PRMT3: variants seen among roughly 807,000 people sequenced by gnomAD.
The protein encoded by PRMT3 is protein arginine methyltransferase 3.
In PRMT3, 62 loss-of-function variants were observed where a neutral mutation model predicts 71.9. That is an observed-to-expected ratio of 0.86 (90% confidence interval 0.70 to 1.07). PRMT3 has a LOEUF of 1.07. Ranked by LOEUF, PRMT3 falls within the 50% of genes least tolerant of loss-of-function variation. The pLI is 0.00. For missense variants in PRMT3, 663 were observed against 643.0 expected, an observed-to-expected ratio of 1.03 and a Z score of -0.34; for synonymous variants, 213 against 220.4, an observed-to-expected ratio of 0.97 and a Z score of 0.30.
intron 9 of PRMT3, among the ~76,000 whole-genome samples, chr11:20,413,520 G>C (rs979124104): frequency 1.3e-5 from 2 of 152,096 alleles, no homozygotes; most frequent in African/African-American, 4.8e-5. Flanking sequence ...TTGCAAAATG[G>C]CTGGCCCTGT....
intron 10 of PRMT3, among the ~76,000 whole-genome samples, chr11:20,439,108 G>A (rs1328986614): frequency 1.3e-5 from 2 of 152,204 alleles, no homozygotes; most frequent in African/African-American, 2.4e-5. Flanking sequence ...TCAATTCCAA[G>A]ATGGCAGTAG....
chr11:20,400,440 A>G (rs1178521459), intron 7 of PRMT3, among the ~76,000 whole-genome samples: 1 of 152,186 alleles, frequency 6.6e-6, no homozygotes, highest in Non-Finnish European at 1.5e-5. Flanking sequence ...TTGCCACTTT[A>G]TCTTTTTGAA....
chr11:20,443,681 A>T (rs1849959534), intron 10 of PRMT3, among the ~76,000 whole-genome samples: 1 of 152,218 alleles, frequency 6.6e-6, no homozygotes, highest in South Asian at 2.1e-4. Flanking sequence ...TAAGACCCAC[A>T]CGTGCCTTGG....
chr11:20,487,998 A>G (rs1851118019), intron 13 of PRMT3, among the ~76,000 whole-genome samples: 1 of 152,154 alleles, frequency 6.6e-6, no homozygotes, highest in Non-Finnish European at 1.5e-5. Flanking sequence ...CTGTTTTACT[A>G]CTTCCCATAT....
intron 15 of PRMT3, among the ~76,000 whole-genome samples, chr11:20,507,337 T>G (rs2133713053): frequency 1.3e-5 from 2 of 152,338 alleles, no homozygotes; most frequent in Middle Eastern, 6.8e-3. Context: ...ATCTTTTTTC[T>G]AGATGCCCAG....
chr11:20,453,939 A>C (rs1850211282), intron 11 of PRMT3, among the ~76,000 whole-genome samples: 1 of 152,188 alleles, frequency 6.6e-6, no homozygotes. Context: ...AAAGTTTTAG[A>C]ACATGGAGCA....
intron 10 of PRMT3, among the ~76,000 whole-genome samples, chr11:20,441,164 A>C (rs1849886273): frequency 6.6e-6 from 1 of 151,894 alleles, no homozygotes; most frequent in Non-Finnish European, 1.5e-5. Context: ...TGGTCGTTTT[A>C]TACTGCCTAA....
chr11:20,474,698 C>T (rs538940939), intron 13 of PRMT3, among the ~76,000 whole-genome samples: 8 of 152,296 alleles, frequency 5.3e-5, no homozygotes, highest in South Asian at 4.1e-4. Flanking sequence ...CCTTTGGCTT[C>T]GTGCTGTTAG....
At position 20,465,786 on chromosome 11, in the gene PRMT3, C is replaced by A. The variant is rs548581996; in HGVS notation, c.1347+1240C>A. Among the ~76,000 whole-genome samples the A allele has an allele frequency of 1.9e-3, 288 of 152,128 alleles. 2 individuals carry two copies. Among genetic ancestry groups the A allele is most frequent in the African/African-American group, 6.6e-3 (274 of 41,546 alleles). Reference sequence around the variant, plus strand: ...AATTAACAAAAAGCAAAATTTGATTCATTTCCCATGTATTTTCTAATTCTG... The same window carrying A: ...AATTAACAAAAAGCAAAATTTGATTAATTTCCCATGTATTTTCTAATTCTG... On this transcript the variant is annotated intron_variant, in intron 13 of 15. Coordinates refer to ENST00000331079, the MANE Select transcript of PRMT3 (RefSeq NM_005788.4).
rs115201870 is a variant in PRMT3 at position 20,503,967 on chromosome 11, G to A, written c.1487-4337G>A. Reference sequence around the variant, plus strand: ...GGCTAACACCATTGTGAATTCAGTTGTTCCACATCATTTTTAACACTTATA... The same window carrying A: ...GGCTAACACCATTGTGAATTCAGTTATTCCACATCATTTTTAACACTTATA... On this transcript the variant is annotated intron_variant, in intron 15 of 15. Transcript: ENST00000331079. Among the ~76,000 whole-genome samples, 1,080 of 152,208 alleles carry A rather than the reference G, an allele frequency of 7.1e-3. 16 individuals carry two copies. Among genetic ancestry groups the A allele is most frequent in the African/African-American group, 0.025 (1,025 of 41,550 alleles).
chr11:20,451,159 C>G (rs1418894421), intron 10 of PRMT3, among the ~76,000 whole-genome samples: 1 of 152,062 alleles, frequency 6.6e-6, no homozygotes, highest in Non-Finnish European at 1.5e-5. Context: ...GTGGCAAATT[C>G]TTTTTTCATT....
At chr11:20,427,737 T>G (rs1418190881) in intron 10 of PRMT3, among the ~76,000 whole-genome samples, 5 of 151,694 alleles carry the variant, frequency 3.3e-5, no homozygotes, top group African/African-American at 1.2e-4. Flanking sequence ...AAAAAAAAAA[T>G]GTATTTGACA....
At chr11:20,430,278 T>A (rs1388129770) in intron 10 of PRMT3, among the ~76,000 whole-genome samples, 1 of 152,190 alleles carries the variant, frequency 6.6e-6, no homozygotes, top group Non-Finnish European at 1.5e-5. Context: ...CCCTCCAGAA[T>A]TGGGCACAGA....
intron 15 of PRMT3, among the ~76,000 whole-genome samples, chr11:20,507,526 A>C (rs1298954879): frequency 6.6e-6 from 1 of 152,264 alleles, no homozygotes; most frequent in Admixed American, 6.5e-5. Flanking sequence ...CTGTAATCCC[A>C]GCACTTTGGG....
At chr11:20,451,152 G>T (rs1305771670) in intron 10 of PRMT3, among the ~76,000 whole-genome samples, 1 of 152,048 alleles carries the variant, frequency 6.6e-6, no homozygotes, top group Non-Finnish European at 1.5e-5. Flanking sequence ...ACCAGTAGTG[G>T]CAAATTCTTT....
At chr11:20,389,945 A>C (rs1340245250) in intron 3 of PRMT3, 119 bp downstream of exon 3, 1 of 683,838 alleles carries the variant, frequency 1.5e-6, no homozygotes, top group Non-Finnish European at 2.5e-6. Flanking sequence ...TTAGGTCGGG[A>C]GTTCAAGACC....
chr11:20,404,211 G>GTTTTTT lies in PRMT3; in HGVS notation c.771+1263_771+1268dup, dbSNP rs71063629. 2.3e-4 allele frequency among the ~76,000 whole-genome samples: 8 copies of GTTTTTT among 34,316 alleles called. No homozygotes were observed. The East Asian group carries it at 6.3e-3, about 27-fold the overall frequency. The allele number at this position is 34,316 out of a possible 152,430, so 22.5% of individuals were successfully genotyped here. A position where few individuals can be genotyped will look rare whatever the true frequency, so the allele number is the denominator to read the frequency against. Reference sequence around the variant, plus strand: ...GTTACTATAGTGGAGACTTTTCATAGTTTTTTTTTTTTTTTTTTTTTTTTT... The same window carrying GTTTTTT: ...GTTACTATAGTGGAGACTTTTCATAGTTTTTTTTTTTTTTTTTTTTTTTTTTTTTTT... On this transcript the variant is annotated intron_variant, in intron 8 of 15. Coordinates refer to ENST00000331079, the MANE Select transcript of PRMT3 (RefSeq NM_005788.4).
At chr11:20,469,854 G>C (rs116914906) in intron 13 of PRMT3, among the ~76,000 whole-genome samples, 9 of 152,010 alleles carry the variant, frequency 5.9e-5, no homozygotes, top group Non-Finnish European at 1.3e-4. Context: ...AGAATGACTG[G>C]TATAGCAATT....
chr11:20,454,764 TGA>T (rs1442851649), intron 11 of PRMT3, among the ~76,000 whole-genome samples: 1 of 152,028 alleles, frequency 6.6e-6, no homozygotes, highest in Non-Finnish European at 1.5e-5. Context: ...GAATGCAGTA[TGA>T]GAGAGGGAAA....
Sources: gnomAD v4.1 joint callset for allele counts (sites outside exome capture counted in the v4.1 genomes callset) on GRCh38, gnomAD v4.1.1 for gene constraint, MANE v1.5 for transcripts, NCBI Gene and HGNC (gene_info 2026-07-23, HGNC 2026-07-21) for gene names.